The following PCDH11X variants were observed in gnomAD, a reference collection of about 807,000 sequenced individuals.
PCDH11X encodes the protein protocadherin-11 X-linked.
PCDH11X carries 18 observed loss-of-function variants against 53.3 expected under a neutral mutation model. The ratio of observed to expected loss-of-function variants is 0.34; its 90% confidence interval spans 0.23 to 0.50. The LOEUF (loss-of-function observed/expected upper bound fraction) is 0.50, where lower values mean the gene tolerates loss of function less well. PCDH11X is among the 20% of genes least tolerant of loss of function. The pLI, the probability that PCDH11X is intolerant of heterozygous loss-of-function variation, is 0.98. For synonymous variants in PCDH11X, 279 were observed against 393.3 expected (o/e 0.71, Z 3.44); for missense variants, 570 against 1,032.4 (o/e 0.55, Z 6.14).
At chrX:92,367,330 T>C (rs2070498758) in intron 8 of PCDH11X, among the ~76,000 whole-genome samples, 4 of 111,721 alleles carry the variant, frequency 3.6e-5, no homozygotes, top group African/African-American at 9.8e-5. Flanking sequence ...GCTTTTTTTC[T>C]TTCTTTCCAT....
At chrX:92,307,863 T>A (rs1294091109) in intron 8 of PCDH11X, among the ~76,000 whole-genome samples, 3 of 109,588 alleles carry the variant, frequency 2.7e-5, no homozygotes, top group African/African-American at 1.0e-4. Flanking sequence ...TTCTATACAT[T>A]AAAAATGAGC....
rs909583336 is a variant in PCDH11X, at chrX:92,494,000, G to A, written c.3367+25678G>A. 1.3e-4 allele frequency among the ~76,000 whole-genome samples: 14 copies of A among 106,783 alleles called. No individual in the cohort carries two copies. The Admixed American group carries it at 1.3e-3, about 10-fold the overall frequency. 92.7% of individuals were successfully genotyped at this position (106,783 alleles called of 115,157 possible). ...GCCAACAGGTTTTTTTTTTTTTAAG[G>A]TTATTTTCTTTCCCTTCACAAGGCT... On this transcript the variant is annotated intron_variant, in intron 10 of 10. Coordinates refer to ENST00000682573, the MANE Select transcript of PCDH11X (RefSeq NM_032968.5).
intron 4 of PCDH11X, among the ~76,000 whole-genome samples, chrX:91,819,102 A>C (rs1016858176): frequency 1.8e-5 from 2 of 111,241 alleles, no homozygotes; most frequent in African/African-American, 6.5e-5. Flanking sequence ...TATAAATAAA[A>C]GTGGGGTTGC....
At chrX:91,987,238 C>A (rs756292924) in intron 6 of PCDH11X, among the ~76,000 whole-genome samples, 80 of 110,677 alleles carry the variant, frequency 7.2e-4, no homozygotes, top group African/African-American at 2.5e-3. Flanking sequence ...GTGCCTGTCA[C>A]CATGTCCAGC....
chrX:92,322,166 CAA>C (rs1353745911), intron 8 of PCDH11X, among the ~76,000 whole-genome samples: 2 of 109,747 alleles, frequency 1.8e-5, no homozygotes, highest in Non-Finnish European at 3.8e-5. Flanking sequence ...TTACAAGAAA[CAA>C]AGAGTACTAA....
At chrX:91,993,677 G>T (rs754387837) in intron 6 of PCDH11X, among the ~76,000 whole-genome samples, 1 of 111,269 alleles carries the variant, frequency 9.0e-6, no homozygotes, top group East Asian at 2.8e-4. Flanking sequence ...AATAAATTTA[G>T]AACTGATGAA....
chrX:91,858,917 C>T (rs1252940186), intron 5 of PCDH11X, among the ~76,000 whole-genome samples: 1 of 111,325 alleles, frequency 9.0e-6, no homozygotes, highest in African/African-American at 3.3e-5. Context: ...CTGCCTGTTA[C>T]TCAGTTGCAA....
intron 6 of PCDH11X, among the ~76,000 whole-genome samples, chrX:91,892,704 ATT>A (rs35310035): frequency 6.0e-5 from 6 of 100,373 alleles, no homozygotes; most frequent in Non-Finnish European, 8.1e-5. Context: ...ACAAGAACAC[ATT>A]TTTTTTTTTT....
At chrX:92,061,907 G>A (rs1291775089) in intron 6 of PCDH11X, among the ~76,000 whole-genome samples, 1 of 111,539 alleles carries the variant, frequency 9.0e-6, no homozygotes, top group Non-Finnish European at 1.9e-5. Flanking sequence ...ATTGCTTTGG[G>A]CAGTATGGCC....
At chrX:92,347,953 A>T (rs1025095100) in intron 8 of PCDH11X, among the ~76,000 whole-genome samples, 6 of 111,854 alleles carry the variant, frequency 5.4e-5, no homozygotes, top group African/African-American at 1.6e-4. Flanking sequence ...AAAGAAAAAG[A>T]CATTATACAT....
intron 6 of PCDH11X, chrX:92,113,188 TCC>T: frequency 8.9e-7 from 1 of 1,119,290 alleles, no homozygotes; most frequent in Non-Finnish European, 1.2e-6. Flanking sequence ...CTCCTGCTGC[TCC>T]TCAGCCCCCC....
intron 10 of PCDH11X, among the ~76,000 whole-genome samples, chrX:92,589,991 A>G (rs1279581559): frequency 9.1e-6 from 1 of 109,471 alleles, no homozygotes; most frequent in African/African-American, 3.3e-5. Context: ...TAACACCACT[A>G]TTGTAGATTG....
At chrX:92,011,545 C>A (rs2062691609) in intron 6 of PCDH11X, among the ~76,000 whole-genome samples, 1 of 111,982 alleles carries the variant, frequency 8.9e-6, no homozygotes, top group South Asian at 3.7e-4. Flanking sequence ...GTTGCTTGAC[C>A]AACTTGCTTA....
At chrX:92,358,615 G>T (rs1165070865) in intron 8 of PCDH11X, among the ~76,000 whole-genome samples, 2 of 102,281 alleles carry the variant, frequency 2.0e-5, no homozygotes, top group African/African-American at 7.1e-5. Context: ...TTTGTACTGT[G>T]ACTTAAATTA....
chrX:92,422,603 T>G (rs2071996832), intron 9 of PCDH11X, among the ~76,000 whole-genome samples: 1 of 111,741 alleles, frequency 8.9e-6, no homozygotes, highest in Non-Finnish European at 1.9e-5. Flanking sequence ...TCGCAAATTG[T>G]GCTGCTATGA....
At chrX:92,553,700 A>G (rs2075000831) in intron 10 of PCDH11X, among the ~76,000 whole-genome samples, 1 of 108,996 alleles carries the variant, frequency 9.2e-6, no homozygotes, top group Admixed American at 9.9e-5. Flanking sequence ...GTAGGCAAAT[A>G]TAGCTATAAA....
At position 92,250,601 on chromosome X, in the gene PCDH11X, A is replaced by G. The variant is rs767303746; in HGVS notation, c.3115-12513A>G. Among the ~76,000 whole-genome samples the G allele has an allele frequency of 9.4e-5, 10 of 106,129 alleles. No homozygotes were observed. The South Asian group carries it at 3.5e-3, about 37-fold the overall frequency. 92.2% of individuals were successfully genotyped at this position (106,129 alleles called of 115,157 possible). On this transcript the variant is annotated intron_variant, in intron 7 of 10. Coordinates refer to ENST00000682573, the MANE Select transcript of PCDH11X (RefSeq NM_032968.5). The stretch of plus-strand genomic sequence containing the variant: ...AACAAAATAATGTGTGTATGTATAT[A>G]TATATATATAAAATAATATGTATAA...
intron 6 of PCDH11X, among the ~76,000 whole-genome samples, chrX:92,020,847 C>T (rs2062873056): frequency 9.0e-6 from 1 of 111,266 alleles, no homozygotes; most frequent in South Asian, 3.8e-4. Flanking sequence ...GGAGCATGCA[C>T]CCATCTTTGC....
At chrX:91,926,709 G>A in intron 6 of PCDH11X, among the ~76,000 whole-genome samples, 1 of 110,142 alleles carries the variant, frequency 9.1e-6, no homozygotes, top group Middle Eastern at 4.8e-3. Context: ...ACACATAATT[G>A]TACATATTTA....
Sources: gnomAD v4.1 joint callset for allele counts (sites outside exome capture counted in the v4.1 genomes callset) on GRCh38, gnomAD v4.1.1 for gene constraint, MANE v1.5 for transcripts, NCBI Gene and HGNC (gene_info 2026-07-23, HGNC 2026-07-21) for gene names.